ZSWIM4: variants seen among roughly 807,000 people sequenced by gnomAD.
ZSWIM4 encodes zinc finger SWIM-type containing 4.
A neutral mutation model predicts 102.5 loss-of-function variants in ZSWIM4; 62 were observed. That is an observed-to-expected ratio of 0.60 (90% CI 0.49 to 0.75). The LOEUF (loss-of-function observed/expected upper bound fraction) is 0.75, where lower values mean the gene tolerates loss of function less well. ZSWIM4 is among the 30% of genes least tolerant of loss of function. ZSWIM4 has a pLI of 0.00. For synonymous variants in ZSWIM4, 652 were observed against 674.5 expected, an observed-to-expected ratio of 0.97 and a Z score of 0.52; for missense variants, 1,280 against 1,529.6, an observed-to-expected ratio of 0.84 and a Z score of 2.72.
In ZSWIM4 at chr19:13,825,822, GC is replaced by G. The variant is rs1219834722; in HGVS notation, c.2379+112del. On this transcript the variant is annotated intron_variant, in intron 12 of 13. Transcript: ENST00000590508. The surrounding 1 kb of genome is among the most constrained non-coding windows in gnomAD (Gnocchi z 4.6). The stretch of plus-strand genomic sequence containing the variant: ...CTGAGTGTGAGCCACTTCGCTGGGG[GC>G]CCGGCATTTGCGTGAGCTATTCCTC... 5.8e-5 allele frequency: 81 copies of G among 1,392,194 alleles called. No homozygotes were observed. Among genetic ancestry groups the G allele is most frequent in the Non-Finnish European group, 7.5e-5 (78 of 1,046,460 alleles). The allele number at this position is 1,392,194 out of a possible 1,614,324, so 86.2% of individuals were successfully genotyped here. A position where few individuals can be genotyped will look rare whatever the true frequency, so the allele number is the denominator to read the frequency against.
chr19:13,822,740 G>C (rs913967402), intron 10 of ZSWIM4, among the ~76,000 whole-genome samples: 2 of 152,148 alleles, frequency 1.3e-5, no homozygotes, highest in Non-Finnish European at 2.9e-5. Flanking sequence ...AGTACTTTGG[G>C]AGGCCGAGGA....
intron 10 of ZSWIM4, among the ~76,000 whole-genome samples, chr19:13,819,871 T>G (rs1039325055): frequency 7.7e-6 from 1 of 129,526 alleles, no homozygotes; most frequent in African/African-American, 3.0e-5. Flanking sequence ...TGAGACGGAG[T>G]CTTGCTCTGT....
Position 13,808,853 on chromosome 19 carries a change from G to T in ZSWIM4, c.730G>T (p.Ala244Ser). Residue 244 changes from alanine to serine, a missense_variant, in exon 4 of 14, where the codon GCC becomes TCC. Transcript: ENST00000590508. ...CCCGGCAGGTGCCCCAGACCCCACCGCCGGCGCAGGAATCGAGGACGCCAA... is the reference window on the plus strand; with the variant it reads ...CCCGGCAGGTGCCCCAGACCCCACCTCCGGCGCAGGAATCGAGGACGCCAA... ...NLVNGAPDPT[A>S]GAGIEDANCW... 1 of 1,598,780 alleles carries T rather than the reference G, an allele frequency of 6.3e-7. No homozygotes were observed.
At chr19:13,827,748 C>T (rs1466700348) in intron 12 of ZSWIM4, among the ~76,000 whole-genome samples, 1 of 152,080 alleles carries the variant, frequency 6.6e-6, no homozygotes, top group Non-Finnish European at 1.5e-5. Context: ...AGAGGCTACT[C>T]AAGAGGTAGG....
In ZSWIM4 at chr19:13,815,205, G is replaced by C. The variant is rs956865858; in HGVS notation, c.1531+340G>C. 2.0e-5 allele frequency: 3 copies of C among 153,684 alleles called. No individual in the cohort carries two copies. The South Asian group carries it at 5.8e-4, about 30-fold the overall frequency. 9.5% of individuals were successfully genotyped at this position (153,684 alleles called of 1,614,324 possible). Reference sequence around the variant, plus strand: ...AGTTTCGCTCTTGTTGCCCAGGTTGGAGTGCAATGGAGCAATCTCGGCTCA... The same window carrying C: ...AGTTTCGCTCTTGTTGCCCAGGTTGCAGTGCAATGGAGCAATCTCGGCTCA... On this transcript the variant is annotated intron_variant, in intron 7 of 13. Transcript: ENST00000590508.
intron 2 of ZSWIM4, 90 bp downstream of exon 2, chr19:13,800,011 G>A: frequency 2.3e-6 from 3 of 1,319,000 alleles, no homozygotes; most frequent in Non-Finnish European, 3.1e-6. Flanking sequence ...CCTGGGGCCA[G>A]GGGATGGGAG....
At chr19:13,827,807 CAG>C (rs1373211516) in intron 12 of ZSWIM4, among the ~76,000 whole-genome samples, 3 of 152,074 alleles carry the variant, frequency 2.0e-5, no homozygotes, top group African/African-American at 4.8e-5. Flanking sequence ...GATGGGGCCT[CAG>C]GGGAGAGGCA....
chr19:13,805,102 G>GGCTGAT lies in ZSWIM4; in HGVS notation c.668_673dup (p.Ala223_Asp224dup). ...AGGTGCTGCCCACTGCTCAGCGCTT[G>GGCTGAT]GCTGATGAGATCCTCCTGCTGGGCT... On this transcript the variant is annotated inframe_insertion, in exon 3 of 14. Transcript: ENST00000590508. 6.2e-7 allele frequency: 1 copy of GGCTGAT among 1,603,338 alleles called. No individual in the cohort carries two copies. Among genetic ancestry groups the GGCTGAT allele is most frequent in the Non-Finnish European group, 8.5e-7 (1 of 1,179,886 alleles).
chr19:13,805,111 G>A lies in ZSWIM4; in HGVS notation c.675G>A (p.Glu225=). The A allele has an allele frequency of 6.2e-7, 1 of 1,601,654 alleles. No homozygotes were observed. The highest frequency in any genetic ancestry group is 1.1e-5 in the South Asian group (1 of 91,082). ...VLPTAQRLAD[E]ILLLGSEINL... ...CCACTGCTCAGCGCTTGGCTGATGA[G>A]ATCCTCCTGCTGGGCTCCGAGATCA... Residue 225 remains glutamate, a synonymous_variant, in exon 3 of 14, where the codon GAG becomes GAA. Transcript: ENST00000590508.
intron 10 of ZSWIM4, among the ~76,000 whole-genome samples, chr19:13,820,342 C>T (rs1210907751): frequency 6.6e-6 from 1 of 151,914 alleles, no homozygotes; most frequent in Non-Finnish European, 1.5e-5. Context: ...CTCAAGCGAT[C>T]CTCCCATCTC....
intron 13 of ZSWIM4, 107 bp downstream of exon 13, chr19:13,828,833 G>A: frequency 1.9e-6 from 2 of 1,074,728 alleles, no homozygotes; most frequent in Non-Finnish European, 2.8e-6. Context: ...GGGTGCGGTG[G>A]CTCACACCTG....
chr19:13,829,422 C>G (rs1975696662), intron 13 of ZSWIM4, among the ~76,000 whole-genome samples: 1 of 152,154 alleles, frequency 6.6e-6, no homozygotes, highest in Non-Finnish European at 1.5e-5. Flanking sequence ...AAAACCCCAT[C>G]TCTACTAAAA....
rs553954755 is a variant in ZSWIM4 at position 13,823,505 on chromosome 19, G to T, written c.2215+5G>T. 9.0e-6 allele frequency: 14 copies of T among 1,561,760 alleles called. No homozygotes were observed. The South Asian group carries it at 1.5e-4, about 17-fold the overall frequency. ...CCATGTTGACGGCCGCCAAGGGTGA[G>T]GCTGGCAGCTGTCCCGATTCCTTTG... On this transcript the variant is annotated splice_donor_5th_base_variant and intron_variant, in intron 11 of 13. Transcript: ENST00000590508.
chr19:13,810,273 A>G (rs982959312), intron 5 of ZSWIM4, among the ~76,000 whole-genome samples: 5 of 151,000 alleles, frequency 3.3e-5, no homozygotes, highest in Non-Finnish European at 7.4e-5. Context: ...CTGGGATTAC[A>G]GGTGTGAGCC....
chr19:13,809,827 G>A lies in ZSWIM4; in HGVS notation c.1012+607G>A, dbSNP rs8111083. ...CTTTTTTTAGAGACAGGATCTCACT[G>A]TGCGCCCAGGCTGAAGTACAGTGGC... is the stretch of plus-strand genomic sequence containing the variant. On this transcript the variant is annotated intron_variant, in intron 5 of 13. Transcript: ENST00000590508. The surrounding 1 kb of genome is among the most constrained non-coding windows in gnomAD (Gnocchi z 4.2). Among the ~76,000 whole-genome samples the A allele has an allele frequency of 0.018, 2,752 of 151,682 alleles. 79 individuals are homozygous for A. Among genetic ancestry groups the A allele is most frequent in the African/African-American group, 0.063 (2,624 of 41,336 alleles).
Position 13,831,506 on chromosome 19 carries a change from C to T in ZSWIM4, c.*456C>T, listed in dbSNP as rs765911541. On this transcript the variant is annotated 3_prime_UTR_variant, in exon 14 of 14. Transcript: ENST00000590508. ...TGCTCAGGGCCCCCCATTATGCCAC[C>T]TCCAAAGTGGCTGCCCAGCCAGGAC... 196 of 154,466 alleles carry T rather than the reference C, an allele frequency of 1.3e-3. No homozygotes were observed. The highest frequency in any genetic ancestry group is 2.0e-3 in the Non-Finnish European group (140 of 69,984). 9.6% of individuals were successfully genotyped at this position (154,466 alleles called of 1,614,324 possible). A position where few individuals can be genotyped will look rare whatever the true frequency, so the allele number is the denominator to read the frequency against.
chr19:13,795,781 G>A lies in ZSWIM4; in HGVS notation c.133G>A (p.Glu45Lys), dbSNP rs1974594356. The A allele has an allele frequency of 3.2e-6, 4 of 1,251,862 alleles. No individual in the cohort carries two copies. The highest frequency in any genetic ancestry group is 3.0e-6 in the Non-Finnish European group (3 of 997,774). The allele number at this position is 1,251,862 out of a possible 1,614,324, so 77.5% of individuals were successfully genotyped here. ...GGACCTCAGCGCCAAGCGGGTAGCC[G>A]AGAGCTGGGCCTTCGAGCAGGTGAC... Reference protein sequence around the residue: ...LLDLSAKRVAESWAFEQVEER... With the variant: ...LLDLSAKRVAKSWAFEQVEER... Residue 45 changes from glutamate (E) to lysine (K), a missense_variant, in exon 1 of 14, where the codon GAG (glutamate) becomes AAG (lysine). Glu to Lys is a moderately conservative substitution (Grantham distance 56). Transcript: ENST00000590508.
chr19:13,824,076 G>C (rs572127464), intron 11 of ZSWIM4, among the ~76,000 whole-genome samples: 1 of 150,962 alleles, frequency 6.6e-6, no homozygotes, highest in Non-Finnish European at 1.5e-5. Context: ...GAGAGAGAGA[G>C]GGAGAAAGGA....
rs752771042 is a variant in ZSWIM4 at position 13,799,790 on chromosome 19, G to A, written c.224G>A (p.Ser75Asn). 6 of 1,614,120 alleles carry A rather than the reference G, an allele frequency of 3.7e-6. No individual in the cohort carries two copies. The South Asian group carries it at 6.6e-5, about 18-fold the overall frequency. The change falls in exon 2 of 14, where the codon AGT (serine) becomes AAT (asparagine). Residue 75 changes from serine to asparagine, a missense_variant. Coordinates refer to ENST00000590508, the MANE Select transcript of ZSWIM4 (RefSeq NM_001367834.3). ...KRIVFWSFPR[S>N]EREICMYSSL... ...ATCGTGTTTTGGTCGTTTCCACGCA[G>A]TGAACGGGAAATATGTATGTACTCG...
Sources: allele counts gnomAD v4.1 joint callset (sites outside exome capture counted in the v4.1 genomes callset), GRCh38; gene constraint gnomAD v4.1.1; non-coding constraint Gnocchi (gnomAD v3.1); transcripts MANE v1.5; gene names NCBI Gene and HGNC (gene_info 2026-07-23, HGNC 2026-07-21).